Variants in FAM131B observed in about 807,000 individuals in gnomAD.
FAM131B encodes the protein protein FAM131B.
Under a neutral mutation model 42.0 loss-of-function variants are expected in FAM131B, and 19 were observed. The observed-to-expected ratio is 0.45, with a 90% CI of 0.32 to 0.66. The LOEUF (loss-of-function observed/expected upper bound fraction) is 0.66, where lower values mean the gene tolerates loss of function less well. FAM131B is among the 30% of genes least tolerant of loss of function. The pLI, the probability that FAM131B is intolerant of heterozygous loss-of-function variation, is 0.05. For missense variants in FAM131B, 370 were observed against 468.4 expected (o/e 0.79, Z 1.94); for synonymous variants, 183 against 177.6 (o/e 1.03, Z -0.24).
chr7:143,361,966 G>A (rs924401921), intron 1 of FAM131B: 16 of 749,560 alleles, frequency 2.1e-5, no homozygotes, highest in Non-Finnish European at 2.4e-5. Flanking sequence ...CTGTCCCTCC[G>A]GGCGTGGAAC....
the FAM131B span, chr7:143,380,829 C>A: frequency 4.2e-6 from 4 of 960,774 alleles, no homozygotes; most frequent in Non-Finnish European, 5.0e-6. This position sits in a 1 kb window ranked among gnomAD's most constrained non-coding sequence, Gnocchi z 5.0. Flanking sequence ...CCACCCCAGG[C>A]GGACTCGGGG....
chr7:143,365,897 C>A (rs191808218), upstream of FAM131B, among the ~76,000 whole-genome samples: 25 of 152,290 alleles, frequency 1.6e-4, no homozygotes, highest in South Asian at 2.9e-3. Flanking sequence ...GCGTGAGCCA[C>A]CACGCCTGGC....
chr7:143,362,609 C>CG lies in FAM131B; in HGVS notation c.-7dup. On this transcript the variant is annotated 5_prime_UTR_variant, in exon 1 of 7. Coordinates refer to ENST00000443739, the MANE Select transcript of FAM131B (RefSeq NM_001031690.3). This position sits in a 1 kb window ranked among gnomAD's most constrained non-coding sequence, Gnocchi z 7.7. ...CGGGAGCCGATGCAGCCCATGGCTCCGGGGGCCGCAGAGCCGGGCCCTCAC... is the reference window on the plus strand; with the variant it reads ...CGGGAGCCGATGCAGCCCATGGCTCCGGGGGGCCGCAGAGCCGGGCCCTCAC... 1 of 1,193,416 alleles carries CG rather than the reference C, an allele frequency of 8.4e-7. No homozygotes were observed. Among genetic ancestry groups the CG allele is most frequent in the Non-Finnish European group, 1.0e-6 (1 of 964,486 alleles). 73.9% of individuals were successfully genotyped at this position (1,193,416 alleles called of 1,614,324 possible). A position where few individuals can be genotyped will look rare whatever the true frequency, so the allele number is the denominator to read the frequency against.
chr7:143,381,752 G>A, the FAM131B span: 2 of 1,586,786 alleles, frequency 1.3e-6, no homozygotes, highest in Non-Finnish European at 1.7e-6. Context: ...GGGCCGGGTG[G>A]GCGAGATTCC....
At chr7:143,370,006 G>C in the FAM131B span, among the ~76,000 whole-genome samples, 1 of 152,198 alleles carries the variant, frequency 6.6e-6, no homozygotes, top group East Asian at 1.9e-4. Flanking sequence ...AATTTTGAAC[G>C]CCAGGTGCTG....
At chr7:143,364,635 T>C (rs909682527), upstream of FAM131B, among the ~76,000 whole-genome samples, 2 of 152,292 alleles carry the variant, frequency 1.3e-5, no homozygotes, top group Admixed American at 1.3e-4. Flanking sequence ...GCATTCTGTC[T>C]TGAAGGTATT....
At chr7:143,364,763 A>C (rs1586545879), upstream of FAM131B, among the ~76,000 whole-genome samples, 2 of 152,182 alleles carry the variant, frequency 1.3e-5, no homozygotes, top group East Asian at 3.8e-4. Flanking sequence ...ACTTCTCACT[A>C]GTTAAGGCCA....
At position 143,359,601 on chromosome 7, in the gene FAM131B, C is replaced by T. The variant is rs1586536867; in HGVS notation, c.174+131G>A. On this transcript the variant is annotated intron_variant, in intron 3 of 6. Transcript: ENST00000443739. The surrounding 1 kb of genome is among the most constrained non-coding windows in gnomAD (Gnocchi z 5.4). ...CCCAGTGCTCTGGAAAACTGGGGCA[C>T]AGGTTGAGAACGTGAGTGCTCACAG... 1 of 1,024,630 alleles carries T rather than the reference C, an allele frequency of 9.8e-7. No individual in the cohort carries two copies. Among genetic ancestry groups the T allele is most frequent in the South Asian group, 1.4e-5 (1 of 73,346 alleles). 63.5% of individuals were successfully genotyped at this position (1,024,630 alleles called of 1,614,324 possible). A position where few individuals can be genotyped will look rare whatever the true frequency, so the allele number is the denominator to read the frequency against.
the FAM131B span, chr7:143,379,943 C>T: frequency 0.081 from 40,803 of 504,386 alleles, 1,760 homozygotes; most frequent in Admixed American, 0.12. Flanking sequence ...GACCCGGGTC[C>T]ATCTCTTCAG....
chr7:143,372,757 G>A, the FAM131B span, among the ~76,000 whole-genome samples: 1 of 152,020 alleles, frequency 6.6e-6, no homozygotes, highest in Admixed American at 6.6e-5. Context: ...TCAGTAGTTC[G>A]AGACCAGCCT....
chr7:143,379,107 T>C, the FAM131B span, among the ~76,000 whole-genome samples: 2 of 152,262 alleles, frequency 1.3e-5, no homozygotes, highest in African/African-American at 4.8e-5. Context: ...TGCCTAACAA[T>C]TACACATACT....
At chr7:143,382,108 C>T in the FAM131B span, 2 of 649,138 alleles carry the variant, frequency 3.1e-6, no homozygotes, top group South Asian at 2.5e-5. Flanking sequence ...CCAGGGCGCC[C>T]TGCGCCCCTC....
At chr7:143,380,232 TA>T in the FAM131B span, 84,301 of 897,072 alleles carry the variant, frequency 0.094, 85 homozygotes, top group East Asian at 0.14. The surrounding 1 kb of genome is among the most constrained non-coding windows in gnomAD (Gnocchi z 5.0). Flanking sequence ...CCAGTGCAAT[TA>T]AAAAAAAAAA....
At position 143,356,351 on chromosome 7, in the gene FAM131B, T is replaced by A. The variant is rs1803652143; in HGVS notation, c.*199A>T. ...GCCATCTAGTTGCCCAGGTCTCAGT[T>A]CCCAGGCCTGTGGGTTTCTAGAGTG... On this transcript the variant is annotated 3_prime_UTR_variant, in exon 7 of 7. Transcript: ENST00000443739. The surrounding 1 kb of genome is among the most constrained non-coding windows in gnomAD (Gnocchi z 4.4). 5.2e-6 allele frequency: 3 copies of A among 578,312 alleles called. No homozygotes were observed. The African/African-American group carries it at 5.7e-5, about 11-fold the overall frequency. 35.8% of individuals were successfully genotyped at this position (578,312 alleles called of 1,614,324 possible). A position where few individuals can be genotyped will look rare whatever the true frequency, so the allele number is the denominator to read the frequency against.
rs140262909 is a variant in FAM131B at position 143,356,189 on chromosome 7, G to T, written c.*361C>A. 2.9e-5 allele frequency: 7 copies of T among 244,358 alleles called. No homozygotes were observed. In the East Asian group the frequency reaches 5.1e-4, roughly 18 times the overall value. The allele number at this position is 244,358 out of a possible 1,614,324, so 15.1% of individuals were successfully genotyped here. ...TACAGCTCCTGGAAGACGAAATCGG[G>T]GCGTGAAGAACTGAGATCCAGTCTT... On this transcript the variant is annotated 3_prime_UTR_variant, in exon 7 of 7. Transcript: ENST00000443739. The surrounding 1 kb of genome is among the most constrained non-coding windows in gnomAD (Gnocchi z 4.4).
chr7:143,370,102 G>C, the FAM131B span, among the ~76,000 whole-genome samples: 4 of 152,158 alleles, frequency 2.6e-5, no homozygotes, highest in Non-Finnish European at 5.9e-5. Context: ...TGGTAGTCAA[G>C]CCTGAATTTT....
chr7:143,380,231 T>C, the FAM131B span: 1 of 933,494 alleles, frequency 1.1e-6, no homozygotes, highest in Non-Finnish European at 1.3e-6. This position sits in a 1 kb window ranked among gnomAD's most constrained non-coding sequence, Gnocchi z 5.0. Flanking sequence ...CCCAGTGCAA[T>C]TAAAAAAAAA....
chr7:143,369,388 G>A, the FAM131B span, among the ~76,000 whole-genome samples: 1 of 152,120 alleles, frequency 6.6e-6, no homozygotes, highest in Non-Finnish European at 1.5e-5. Flanking sequence ...TTAAAAAAAT[G>A]TTTTGGCCGG....
the FAM131B span, chr7:143,381,874 G>A: frequency 4.0e-6 from 5 of 1,255,416 alleles, no homozygotes; most frequent in South Asian, 4.7e-5. Context: ...GGTTGTTGCC[G>A]AGGGGGCTGG....
Sources: gnomAD v4.1 joint callset for allele counts (sites outside exome capture counted in the v4.1 genomes callset) on GRCh38, gnomAD v4.1.1 for gene constraint, Gnocchi (gnomAD v3.1) non-coding constraint, MANE v1.5 for transcripts, NCBI Gene and HGNC (gene_info 2026-07-23, HGNC 2026-07-21) for gene names.